Variants in PLEKHA7 observed in about 807,000 individuals in gnomAD.
PLEKHA7 encodes the protein pleckstrin homology domain-containing family A member 7.
A neutral mutation model predicts 170.0 loss-of-function variants in PLEKHA7; 104 were observed. The observed-to-expected ratio is 0.61, with a 90% CI of 0.52 to 0.72. The LOEUF is 0.72. Ranked by LOEUF, PLEKHA7 falls within the 30% of genes least tolerant of loss-of-function variation. The pLI, the probability that PLEKHA7 is intolerant of heterozygous loss-of-function variation, is 0.00. For synonymous variants in PLEKHA7, 648 were observed against 660.8 expected (o/e 0.98, Z 0.30); for missense variants, 1,615 against 1,671.7 (o/e 0.97, Z 0.59).
intron 3 of PLEKHA7, among the ~76,000 whole-genome samples, chr11:16,927,665 G>T (rs1398097143): frequency 6.6e-6 from 1 of 152,254 alleles, no homozygotes; most frequent in African/African-American, 2.4e-5. Flanking sequence ...AGCATGCAAT[G>T]ACCTTGGGGA....
chr11:16,926,796 G>T (rs377451942), intron 3 of PLEKHA7, among the ~76,000 whole-genome samples: 15 of 152,198 alleles, frequency 9.9e-5, no homozygotes, highest in African/African-American at 3.4e-4. Context: ...GGGGCATAGG[G>T]TGGCTCCCAG....
chr11:16,885,593 AAG>A (rs1856034124), intron 3 of PLEKHA7, among the ~76,000 whole-genome samples: 1 of 106,168 alleles, frequency 9.4e-6, no homozygotes, highest in Non-Finnish European at 2.5e-5. Flanking sequence ...GAACTAAAGG[AAG>A]ATGACAAAAA....
intron 15 of PLEKHA7, among the ~76,000 whole-genome samples, chr11:16,802,704 T>A (rs1430686794): frequency 1.3e-5 from 2 of 152,136 alleles, no homozygotes; most frequent in Non-Finnish European, 2.9e-5. Flanking sequence ...CCCACCACCA[T>A]GCCCAGCTAA....
At chr11:16,935,697 G>C (rs932489227) in intron 3 of PLEKHA7, among the ~76,000 whole-genome samples, 6 of 152,194 alleles carry the variant, frequency 3.9e-5, no homozygotes, top group Admixed American at 6.5e-5. Context: ...GCCTTCTTCA[G>C]GGATACTCTC....
At position 16,875,386 on chromosome 11, in the gene PLEKHA7, G is replaced by A. The variant is rs111767773; in HGVS notation, c.222-4204C>T. On this transcript the variant is annotated intron_variant, in intron 3 of 26. Coordinates refer to ENST00000531066, the MANE Select transcript of PLEKHA7 (RefSeq NM_001329630.2). ...TTTTTTTCAAAAAGACTCATACATT[G>A]AGAAAAGAGATGAACCAGAGTAATG... Among the ~76,000 whole-genome samples the A allele has an allele frequency of 1.8e-3, 278 of 150,558 alleles. 3 individuals are homozygous for A. Among genetic ancestry groups the A allele is most frequent in the African/African-American group, 6.4e-3 (263 of 41,078 alleles).
At chr11:17,006,255 G>T (rs1269259677) in intron 3 of PLEKHA7, among the ~76,000 whole-genome samples, 1 of 148,566 alleles carries the variant, frequency 6.7e-6, no homozygotes, top group Non-Finnish European at 1.5e-5. Context: ...AGCTACAAGG[G>T]AAGCGGAGGT....
chr11:16,901,961 T>C (rs754477273), intron 3 of PLEKHA7, among the ~76,000 whole-genome samples: 8 of 152,190 alleles, frequency 5.3e-5, no homozygotes, highest in Admixed American at 1.3e-4. Context: ...AAACATTTCA[T>C]TGCCCTAAAT....
chr11:16,939,218 G>A (rs955885033), intron 3 of PLEKHA7, among the ~76,000 whole-genome samples: 1 of 152,082 alleles, frequency 6.6e-6, no homozygotes, highest in African/African-American at 2.4e-5. Context: ...TTCAGGACTA[G>A]GCTGGCCGAC....
At chr11:16,925,230 A>C (rs1859425136) in intron 3 of PLEKHA7, among the ~76,000 whole-genome samples, 1 of 152,188 alleles carries the variant, frequency 6.6e-6, no homozygotes, top group Non-Finnish European at 1.5e-5. Flanking sequence ...TGCTGAGGTA[A>C]TCCTGTTAAC....
intron 3 of PLEKHA7, among the ~76,000 whole-genome samples, chr11:16,887,990 C>T (rs529311202): frequency 1.3e-5 from 2 of 151,538 alleles, no homozygotes; most frequent in Admixed American, 6.6e-5. Flanking sequence ...ATGTGGGGAG[C>T]ACCTCTGCCC....
chr11:16,806,871 G>A (rs1407912387), intron 13 of PLEKHA7, among the ~76,000 whole-genome samples: 3 of 152,170 alleles, frequency 2.0e-5, no homozygotes, highest in East Asian at 1.9e-4. Context: ...CGTGATGATG[G>A]AAACACAACA....
At chr11:16,936,351 G>A (rs988621544) in intron 3 of PLEKHA7, among the ~76,000 whole-genome samples, 5 of 129,248 alleles carry the variant, frequency 3.9e-5, no homozygotes, top group Admixed American at 9.1e-5. Context: ...GCAGGGAGCC[G>A]AGCTTATGCT....
At chr11:16,957,716 T>A (rs867481402) in intron 3 of PLEKHA7, among the ~76,000 whole-genome samples, 16 of 144,204 alleles carry the variant, frequency 1.1e-4, no homozygotes, top group Non-Finnish European at 1.7e-4. Flanking sequence ...TTTTTTTTTT[T>A]TTTTTGAGAC....
chr11:16,916,644 A>T (rs1858705943), intron 3 of PLEKHA7, among the ~76,000 whole-genome samples: 1 of 152,178 alleles, frequency 6.6e-6, no homozygotes, highest in Non-Finnish European at 1.5e-5. Context: ...TATCTCCCCA[A>T]TTATGCAAGG....
intron 15 of PLEKHA7, 76 bp from the exon 16 acceptor site, chr11:16,801,893 C>A: frequency 1.9e-6 from 3 of 1,574,546 alleles, no homozygotes; most frequent in Non-Finnish European, 2.6e-6. Flanking sequence ...CACCAGGAAC[C>A]AAAGCTACTG....
chr11:16,782,498 C>T (rs1439978048), intron 26 of PLEKHA7, among the ~76,000 whole-genome samples: 4 of 152,222 alleles, frequency 2.6e-5, no homozygotes, highest in African/African-American at 7.2e-5. Flanking sequence ...CCTCCTGGGA[C>T]CTTTTTCCCC....
intron 3 of PLEKHA7, among the ~76,000 whole-genome samples, chr11:17,008,746 C>G (rs1865159251): frequency 6.6e-6 from 1 of 152,202 alleles, no homozygotes; most frequent in Admixed American, 6.5e-5. Flanking sequence ...CTGAGCCCCT[C>G]TTCTCTGCCA....
intron 26 of PLEKHA7, 98 bp downstream of exon 26, chr11:16,782,656 C>G: frequency 6.9e-7 from 1 of 1,443,452 alleles, no homozygotes; most frequent in South Asian, 1.3e-5. Context: ...TCCTTGACAC[C>G]TGGTTTTCCA....
Position 16,851,176 on chromosome 11 carries a change from G to T in PLEKHA7, c.696+15C>A. 1 of 1,577,734 alleles carries T rather than the reference G, an allele frequency of 6.3e-7. No individual in the cohort carries two copies. Among genetic ancestry groups the T allele is most frequent in the Non-Finnish European group, 8.6e-7 (1 of 1,157,276 alleles). The stretch of plus-strand genomic sequence containing the variant: ...CTTAGACAGAATGGCTGCATTAGAG[G>T]TGCAGGGGCAGTACCTTAAAGGAAT... On this transcript the variant is annotated intron_variant, in intron 8 of 26. Coordinates refer to ENST00000531066, the MANE Select transcript of PLEKHA7 (RefSeq NM_001329630.2).
Sources: allele counts gnomAD v4.1 joint callset (sites outside exome capture counted in the v4.1 genomes callset), GRCh38; gene constraint gnomAD v4.1.1; transcripts MANE v1.5; gene names NCBI Gene and HGNC (gene_info 2026-07-23, HGNC 2026-07-21).